TTC9C: variants seen among roughly 807,000 people sequenced by gnomAD.
The protein encoded by TTC9C is tetratricopeptide repeat domain 9C, also known as tetratricopeptide repeat protein 9C.
A neutral mutation model predicts 22.5 loss-of-function variants in TTC9C; 15 were observed. The ratio of observed to expected loss-of-function variants is 0.67; its 90% CI spans 0.45 to 1.03. TTC9C has a LOEUF of 1.03. Ranked by LOEUF, TTC9C falls within the 50% of genes least tolerant of loss-of-function variation. The pLI is 0.00. For synonymous variants in TTC9C, 92 were observed against 86.8 expected, an observed-to-expected ratio of 1.06 and a Z score of -0.33; for missense variants, 244 against 214.6, an observed-to-expected ratio of 1.14 and a Z score of -0.86.
chr11:62,728,768 C>T lies in TTC9C; in HGVS notation c.-81C>T. On this transcript the variant is annotated 5_prime_UTR_variant, in exon 1 of 3. Coordinates refer to ENST00000316461, the MANE Select transcript of TTC9C (RefSeq NM_173810.4). ...TCCTGCCTCCTTAAATTGGCTGCTA[C>T]TGTCAGTTATTTTGCTCCCAACCCC... The T allele has an allele frequency of 5.8e-6, 8 of 1,385,814 alleles. No individual in the cohort carries two copies. The highest frequency in any genetic ancestry group is 1.7e-5 in the Admixed American group (1 of 57,544). 85.8% of individuals were successfully genotyped at this position (1,385,814 alleles called of 1,614,324 possible). A position where few individuals can be genotyped will look rare whatever the true frequency, so the allele number is the denominator to read the frequency against.
chr11:62,738,176 C>A, intron 2 of TTC9C, 112 bp from the exon 3 acceptor site: 1 of 624,920 alleles, frequency 1.6e-6, no homozygotes, highest in Non-Finnish European at 2.8e-6. Flanking sequence ...ATATTCAGAT[C>A]TTGGAGAGAT....
chr11:62,733,170 C>G lies in TTC9C; in HGVS notation c.239-2212C>G, dbSNP rs897428097. On this transcript the variant is annotated intron_variant, in intron 1 of 2. Transcript: ENST00000316461. ...TAATCATAAAAAGGCAGAACATTGA[C>G]CTGAATTGCCTGAATTGACTCCTCT... is the stretch of plus-strand genomic sequence containing the variant. 5.5e-5 allele frequency: 71 copies of G among 1,285,518 alleles called. 1 individual carries two copies. The African/African-American group carries it at 9.9e-4, about 18-fold the overall frequency. The allele number at this position is 1,285,518 out of a possible 1,614,324, so 79.6% of individuals were successfully genotyped here.
rs777051416 is a variant in TTC9C, at chr11:62,738,316, GAC to G, written c.454_455del (p.Gln152ValfsTer8). On this transcript the variant is annotated frameshift_variant, in exon 3 of 3. Transcript: ENST00000316461. LOFTEE classifies it high-confidence loss of function. ...DANVRRYLQLTQSELSSYHRK... is the reference protein window; with the variant it reads ...DANVRRYLQLXQSELSSYHRK... ...CCAACGTCCGGCGGTACCTCCAGCT[GAC>G]ACAGTCAGAACTCAGCAGCTACCAT... The G allele has an allele frequency of 5.6e-6, 9 of 1,612,754 alleles. No individual in the cohort carries two copies. The African/African-American group carries it at 1.2e-4, about 22-fold the overall frequency.
intron 1 of TTC9C, among the ~76,000 whole-genome samples, chr11:62,731,502 T>C (rs1405908297): frequency 6.6e-6 from 1 of 151,894 alleles, no homozygotes; most frequent in Non-Finnish European, 1.5e-5. Flanking sequence ...GAAACTGAGG[T>C]GGGCCAATGT....
rs529865567 is a variant in TTC9C at position 62,730,218 on chromosome 11, G to A, written c.238+1132G>A. Among the ~76,000 whole-genome samples the A allele has an allele frequency of 1.5e-4, 23 of 152,160 alleles. 1 individual carries two copies. The South Asian group carries it at 4.8e-3, about 32-fold the overall frequency. ...AGCCTCTGGAATAGCTGGGATACAG[G>A]CGCGTGCCACCACGCCTGGCTAATT... On this transcript the variant is annotated intron_variant, in intron 1 of 2. Transcript: ENST00000316461.
At chr11:62,731,241 CT>C (rs34029095) in intron 1 of TTC9C, among the ~76,000 whole-genome samples, 43,541 of 152,010 alleles carry the variant, frequency 0.29, 7,148 homozygotes, top group African/African-American at 0.46. Flanking sequence ...CACCTTCACA[CT>C]TTTGTAGGCT....
chr11:62,730,458 T>G (rs2083835422), intron 1 of TTC9C, among the ~76,000 whole-genome samples: 3 of 152,172 alleles, frequency 2.0e-5, no homozygotes, highest in Admixed American at 2.0e-4. Context: ...CTGCAAGGAT[T>G]ATCACCATTT....
chr11:62,731,601 C>T (rs2083850270), intron 1 of TTC9C, among the ~76,000 whole-genome samples: 1 of 152,066 alleles, frequency 6.6e-6, no homozygotes, highest in African/African-American at 2.4e-5. Flanking sequence ...ACTCTGTCCC[C>T]CGATTCCTCC....
chr11:62,732,186 G>A (rs1210875763), intron 1 of TTC9C, among the ~76,000 whole-genome samples: 5 of 151,212 alleles, frequency 3.3e-5, no homozygotes, highest in African/African-American at 4.9e-5. Flanking sequence ...TAGTAGAGAC[G>A]GGGTTTTACC....
At position 62,738,559 on chromosome 11, in the gene TTC9C, C is replaced by T. The variant is rs1190245373; in HGVS notation, c.*177C>T. On this transcript the variant is annotated 3_prime_UTR_variant, in exon 3 of 3. Coordinates refer to ENST00000316461, the MANE Select transcript of TTC9C (RefSeq NM_173810.4). ...CAGTCTGAGTCTTTTTCTGTCTATC[C>T]ATCTGTTTATTTCTATACCTTTCAA... The T allele has an allele frequency of 1.9e-6, 1 of 519,374 alleles. No individual in the cohort carries two copies. Among genetic ancestry groups the T allele is most frequent in the East Asian group, 3.1e-5 (1 of 32,148 alleles). The allele number at this position is 519,374 out of a possible 1,614,324, so 32.2% of individuals were successfully genotyped here.
In TTC9C at chr11:62,732,493, G is replaced by C. The variant is rs1296540841; in HGVS notation, c.239-2889G>C. Among the ~76,000 whole-genome samples, 24 of 151,946 alleles carry C rather than the reference G, an allele frequency of 1.6e-4. 1 individual carries two copies. The highest frequency in any genetic ancestry group is 5.5e-4 in the African/African-American group (23 of 41,458). On this transcript the variant is annotated intron_variant, in intron 1 of 2. Coordinates refer to ENST00000316461, the MANE Select transcript of TTC9C (RefSeq NM_173810.4). ...GGCGTGGTGGTGCATGCCTGTAATC[G>C]CATCTACTAGGGAGGCTGAGGCAGG...
rs772634075 is a variant in TTC9C at position 62,735,451 on chromosome 11, G to T, written c.308G>T (p.Arg103Leu). 3.7e-6 allele frequency: 6 copies of T among 1,613,990 alleles called. No homozygotes were observed. The African/African-American group carries it at 8.0e-5, about 22-fold the overall frequency. Residue 103 changes from arginine (R) to leucine (L), a missense_variant, in exon 2 of 3, where the codon CGA becomes CTA. By Grantham distance (102) the Arg-to-Leu change is moderately radical. Transcript: ENST00000316461. ...GAATATAGTCAGAAAGTCCTGGAAC[G>T]ACAGCCTGATAATGCCAAGGCCTTG... ...VREYSQKVLE[R>L]QPDNAKALYR... is the part of the protein sequence containing the mutation.
chr11:62,734,406 C>G (rs2083887240), intron 1 of TTC9C, among the ~76,000 whole-genome samples: 1 of 151,862 alleles, frequency 6.6e-6, no homozygotes, highest in South Asian at 2.1e-4. Context: ...TTGAGAACAG[C>G]CTGGCCAACA....
In TTC9C at chr11:62,729,058, C is replaced by G. The variant is rs1328210925; in HGVS notation, c.210C>G (p.Thr70=). 6.2e-7 allele frequency: 1 copy of G among 1,614,132 alleles called. No individual in the cohort carries two copies. Among genetic ancestry groups the G allele is most frequent in the Non-Finnish European group, 8.5e-7 (1 of 1,180,030 alleles). Residue 70 remains threonine, a synonymous_variant, in exon 1 of 3, where the codon ACC becomes ACG. Coordinates refer to ENST00000316461, the MANE Select transcript of TTC9C (RefSeq NM_173810.4). ...TPEQENILHT[T]QTDCYNNLAA... ...AACAAGAAAACATATTGCATACCAC[C>G]CAGACAGACTGCTATAACAATCTAG...
rs1344655445 is a variant in TTC9C, at chr11:62,735,389, C to T, written c.246C>T (p.Leu82=). The T allele has an allele frequency of 6.2e-7, 1 of 1,613,944 alleles. No homozygotes were observed. The highest frequency in any genetic ancestry group is 8.5e-7 in the Non-Finnish European group (1 of 1,179,980). Residue 82 remains leucine, a synonymous_variant, in exon 2 of 3, where the codon CTC becomes CTT. Coordinates refer to ENST00000316461, the MANE Select transcript of TTC9C (RefSeq NM_173810.4). The stretch of plus-strand genomic sequence containing the variant: ...TTTCATTTGGCCCATTAGCTTGTCT[C>T]CTTCAGATGGAGCCCGTGAACTACG... The part of the protein sequence containing the change: ...TDCYNNLAAC[L]LQMEPVNYER...
chr11:62,735,797 T>C, intron 2 of TTC9C: 1 of 527,872 alleles, frequency 1.9e-6, no homozygotes, highest in Non-Finnish European at 3.0e-6. Flanking sequence ...GGGTTGATGC[T>C]TAATCAGACA....
intron 1 of TTC9C, among the ~76,000 whole-genome samples, chr11:62,729,775 AATATTGGTCAGG>A (rs2083825278): frequency 9.9e-5 from 15 of 151,756 alleles, no homozygotes; most frequent in Admixed American, 9.8e-4. Context: ...GGGGTTTCAT[AATATTGGTCAGG>A]CTGGTCTTGA....
In TTC9C at chr11:62,735,480, CG is replaced by C. The variant is rs1565172577; in HGVS notation, c.340del (p.Ala114ProfsTer22). On this transcript the variant is annotated frameshift_variant, in exon 2 of 3. Transcript: ENST00000316461. LOFTEE classifies it high-confidence loss of function. ...GCCTGATAATGCCAAGGCCTTGTAT[CG>C]GGCCGGAGTGGCCTTTTTCCATCTG... ...RQPDNAKALY[R>X]AGVAFFHLQD... is the part of the protein sequence containing the mutation. The C allele has an allele frequency of 1.9e-6, 3 of 1,614,068 alleles. No individual in the cohort carries two copies. The Admixed American group carries it at 5.0e-5, about 27-fold the overall frequency.
intron 1 of TTC9C, among the ~76,000 whole-genome samples, chr11:62,734,273 G>C (rs2083885740): frequency 6.6e-6 from 1 of 151,786 alleles, no homozygotes; most frequent in Non-Finnish European, 1.5e-5. Flanking sequence ...ACTCCAGCCT[G>C]GGCGACAGAG....
Sources: gnomAD v4.1 joint callset for allele counts (sites outside exome capture counted in the v4.1 genomes callset) on GRCh38, gnomAD v4.1.1 for gene constraint, MANE v1.5 for transcripts, NCBI Gene and HGNC (gene_info 2026-07-23, HGNC 2026-07-21) for gene names.